GNB1L: variants seen among roughly 807,000 people sequenced by gnomAD.
The protein encoded by GNB1L is G protein subunit beta 1 like, also known as guanine nucleotide-binding protein subunit beta-like protein 1.
In GNB1L, 20 loss-of-function variants were observed where a neutral mutation model predicts 29.1. The observed-to-expected ratio is 0.69, with a 90% CI of 0.48 to 1.00. GNB1L has a LOEUF of 1.00. Among genes scored for constraint, GNB1L ranks in the 50% least tolerant of loss-of-function variants. The probability of loss-of-function intolerance (pLI) is 0.00; values close to 1 mark genes in which losing one functional copy is unlikely to be tolerated. For synonymous variants in GNB1L, 193 were observed against 206.5 expected, an observed-to-expected ratio of 0.93 and a Z score of 0.56; for missense variants, 421 against 464.9, an observed-to-expected ratio of 0.91 and a Z score of 0.87.
Position 19,783,224 on chromosome 22 carries a change from C to CTG in GNB1L, c.*5483_*5484dup. On this transcript the variant is annotated 3_prime_UTR_variant, in exon 8 of 8. Coordinates refer to ENST00000329517, the MANE Select transcript of GNB1L (RefSeq NM_053004.3). ...TGCCCAGAATGGCTGTTATGCTGCT[C>CTG]TGTTTGAGGTGGTTTATTAATGTAG... The CTG allele has an allele frequency of 1.6e-6, 1 of 606,516 alleles. No individual in the cohort carries two copies. Among genetic ancestry groups the CTG allele is most frequent in the Non-Finnish European group, 3.0e-6 (1 of 336,030 alleles). The allele number at this position is 606,516 out of a possible 1,614,324, so 37.6% of individuals were successfully genotyped here. A position where few individuals can be genotyped will look rare whatever the true frequency, so the allele number is the denominator to read the frequency against.
chr22:19,840,460 G>A (rs961730367), intron 2 of GNB1L, among the ~76,000 whole-genome samples: 9 of 152,158 alleles, frequency 5.9e-5, no homozygotes, highest in African/African-American at 1.4e-4. Context: ...AGGTGATGAC[G>A]CTCAGCATCA....
Position 19,851,404 on chromosome 22 carries a change from T to C in GNB1L, c.-21+3039A>G, listed in dbSNP as rs746813700. 3.1e-6 allele frequency: 5 copies of C among 1,612,936 alleles called. No homozygotes were observed. The East Asian group carries it at 8.9e-5, about 29-fold the overall frequency. ...CCTCCTCTGGCTGGGAAGAGGCTGG[T>C]TCCACAGGACCAGGCTTGGAGCTAC... On this transcript the variant is annotated intron_variant, in intron 2 of 7. Transcript: ENST00000329517.
chr22:19,801,041 C>T (rs888658823), intron 7 of GNB1L, among the ~76,000 whole-genome samples: 2 of 152,208 alleles, frequency 1.3e-5, no homozygotes, highest in African/African-American at 2.4e-5. Flanking sequence ...GGCCTCCTGT[C>T]GTACAGACAG....
At chr22:19,832,187 TG>T (rs1422901665) in intron 2 of GNB1L, among the ~76,000 whole-genome samples, 2 of 151,824 alleles carry the variant, frequency 1.3e-5, no homozygotes, top group African/African-American at 4.8e-5. Flanking sequence ...AAATATTAGC[TG>T]GGCTGATAGC....
intron 6 of GNB1L, among the ~76,000 whole-genome samples, chr22:19,805,606 C>A (rs952709305): frequency 1.1e-4 from 16 of 152,094 alleles, no homozygotes; most frequent in Non-Finnish European, 2.2e-4. Context: ...GATGGTGAAA[C>A]CCCGGCTCTA....
chr22:19,844,985 G>GC (rs2145899840), intron 2 of GNB1L, among the ~76,000 whole-genome samples: 2 of 152,324 alleles, frequency 1.3e-5, no homozygotes, highest in East Asian at 3.9e-4. Context: ...TGGGGCTGGT[G>GC]CCCCTGGCCT....
chr22:19,848,294 G>C, intron 2 of GNB1L: 1 of 985,450 alleles, frequency 1.0e-6, no homozygotes, highest in Non-Finnish European at 1.2e-6. Flanking sequence ...CCGTCCCTGA[G>C]CATGTCCAGC....
chr22:19,846,537 C>A, intron 2 of GNB1L: 1 of 985,554 alleles, frequency 1.0e-6, no homozygotes, highest in Non-Finnish European at 1.2e-6. Flanking sequence ...CCAGGAACAG[C>A]AAAGACAAAA....
intron 2 of GNB1L, among the ~76,000 whole-genome samples, chr22:19,835,530 C>A (rs568962573): frequency 6.6e-6 from 1 of 152,082 alleles, no homozygotes; most frequent in South Asian, 2.1e-4. Flanking sequence ...AAAAATTAGC[C>A]AGGCATAGTA....
chr22:19,835,334 T>G (rs565197155), intron 2 of GNB1L, among the ~76,000 whole-genome samples: 8 of 147,004 alleles, frequency 5.4e-5, no homozygotes, highest in Non-Finnish European at 1.2e-4. Context: ...CTCATCAAGA[T>G]AGGCCATATC....
rs1048749560 is a variant in GNB1L, at chr22:19,850,529, C to A, written c.-21+3914G>T. 3.0e-5 allele frequency: 32 copies of A among 1,079,962 alleles called. No homozygotes were observed. In the South Asian group the frequency reaches 1.2e-3, roughly 40 times the overall value. The allele number at this position is 1,079,962 out of a possible 1,614,324, so 66.9% of individuals were successfully genotyped here. A position where few individuals can be genotyped will look rare whatever the true frequency, so the allele number is the denominator to read the frequency against. ...GCTGAGCCTGGCAAGGGGCTTGCAT[C>A]CCACCTTCCTGCATCCAAACCTTCC... On this transcript the variant is annotated intron_variant, in intron 2 of 7. Transcript: ENST00000329517.
chr22:19,834,165 C>T (rs907511813), intron 2 of GNB1L, among the ~76,000 whole-genome samples: 3 of 151,918 alleles, frequency 2.0e-5, no homozygotes, highest in Admixed American at 6.6e-5. Flanking sequence ...GAACCATAAA[C>T]GAACCATAGG....
chr22:19,811,372 G>A (rs891000527), intron 5 of GNB1L, among the ~76,000 whole-genome samples: 8 of 152,180 alleles, frequency 5.3e-5, no homozygotes, highest in Admixed American at 2.0e-4. Flanking sequence ...CCACGTGTGC[G>A]CCCCCTATTC....
chr22:19,812,745 G>C (rs903197754), intron 4 of GNB1L, among the ~76,000 whole-genome samples: 3 of 152,332 alleles, frequency 2.0e-5, no homozygotes, highest in East Asian at 1.9e-4. Context: ...ACAGCACAGA[G>C]AGCAAACTTC....
In GNB1L at chr22:19,799,266, G is replaced by C. The variant is rs186568103; in HGVS notation, c.732+2735C>G. Among the ~76,000 whole-genome samples the C allele has an allele frequency of 3.5e-3, 538 of 152,350 alleles. 2 individuals carry two copies. Among genetic ancestry groups the C allele is most frequent in the African/African-American group, 0.012 (517 of 41,588 alleles). On this transcript the variant is annotated intron_variant, in intron 7 of 7. Transcript: ENST00000329517. ...GGGCACTACCCCAAAATGTGGGAGG[G>C]AGAGGGCCTGCGTACCACCTGTATC...
chr22:19,830,730 A>C (rs1444312252), intron 2 of GNB1L, among the ~76,000 whole-genome samples: 1 of 152,246 alleles, frequency 6.6e-6, no homozygotes, highest in Non-Finnish European at 1.5e-5. Flanking sequence ...TGTAGCATGC[A>C]CAGAAAAACA....
At position 19,850,755 on chromosome 22, in the gene GNB1L, C is replaced by A. The variant is rs777174991; in HGVS notation, c.-21+3688G>T. The stretch of plus-strand genomic sequence containing the variant: ...ACCCCATACAGGAACGAGGTCCCAA[C>A]AGGGCAGACGTGGCAGACCCAGTTC... On this transcript the variant is annotated intron_variant, in intron 2 of 7. Coordinates refer to ENST00000329517, the MANE Select transcript of GNB1L (RefSeq NM_053004.3). 18 of 1,244,814 alleles carry A rather than the reference C, an allele frequency of 1.4e-5. No homozygotes were observed. In the South Asian group the frequency reaches 4.8e-4, roughly 33 times the overall value. The allele number at this position is 1,244,814 out of a possible 1,614,324, so 77.1% of individuals were successfully genotyped here. A position where few individuals can be genotyped will look rare whatever the true frequency, so the allele number is the denominator to read the frequency against.
In GNB1L at chr22:19,849,053, C is replaced by T. The variant is rs894697364; in HGVS notation, c.-21+5390G>A. 10 of 985,420 alleles carry T rather than the reference C, an allele frequency of 1.0e-5. No homozygotes were observed. The South Asian group carries it at 1.4e-4, about 14-fold the overall frequency. The allele number at this position is 985,420 out of a possible 1,614,324, so 61.0% of individuals were successfully genotyped here. ...GGGGGATGGGGCCTGAGTCATCGGACGGAGGGCAGCTGTGACCTGGCACAG... is the reference window on the plus strand; with the variant it reads ...GGGGGATGGGGCCTGAGTCATCGGATGGAGGGCAGCTGTGACCTGGCACAG... On this transcript the variant is annotated intron_variant, in intron 2 of 7. Transcript: ENST00000329517.
At chr22:19,852,345 A>C in intron 2 of GNB1L, 3 of 1,446,846 alleles carry the variant, frequency 2.1e-6, no homozygotes, top group East Asian at 2.3e-5. Context: ...ACGACACAAC[A>C]GGACAGGGAT....
Sources: gnomAD v4.1 joint callset for allele counts (sites outside exome capture counted in the v4.1 genomes callset) on GRCh38, gnomAD v4.1.1 for gene constraint, MANE v1.5 for transcripts, NCBI Gene and HGNC (gene_info 2026-07-23, HGNC 2026-07-21) for gene names.